Variants in INPP5B observed in about 807,000 individuals in gnomAD.
INPP5B encodes type II inositol 1,4,5-trisphosphate 5-phosphatase.
INPP5B carries 90 observed loss-of-function variants against 118.5 expected under a neutral mutation model. The observed-to-expected ratio is 0.76, with a 90% CI of 0.64 to 0.90. The LOEUF (loss-of-function observed/expected upper bound fraction) is 0.90, where lower values mean the gene tolerates loss of function less well. Ranked by LOEUF, INPP5B falls within the 40% of genes least tolerant of loss-of-function variation. The pLI is 0.00. For missense variants in INPP5B, 984 were observed against 1,125.6 expected (o/e 0.87, Z 1.80); for synonymous variants, 385 against 418.9 (o/e 0.92, Z 0.99).
At chr1:37,923,952 A>G (rs1369753617) in intron 7 of INPP5B, among the ~76,000 whole-genome samples, 1 of 151,686 alleles carries the variant, frequency 6.6e-6, no homozygotes, top group East Asian at 1.9e-4. Context: ...TAATTTTTGT[A>G]TTTTTAGTAA....
chr1:37,945,670 T>C lies in INPP5B; in HGVS notation c.152+86A>G, dbSNP rs1389318659. On this transcript the variant is annotated intron_variant, in intron 3 of 23. Coordinates refer to ENST00000373024, the MANE Select transcript of INPP5B (RefSeq NM_005540.3). ...ATTCTAGGAGACTCAGACCCTGCCC[T>C]GGAGGGACAGTTGAAGTTCAGCTGG... 1.4e-5 allele frequency: 13 copies of C among 899,096 alleles called. No homozygotes were observed. The East Asian group carries it at 3.2e-4, about 22-fold the overall frequency. 55.7% of individuals were successfully genotyped at this position (899,096 alleles called of 1,614,324 possible).
At chr1:37,898,976 G>A (rs1644227723) in intron 7 of INPP5B, among the ~76,000 whole-genome samples, 1 of 151,896 alleles carries the variant, frequency 6.6e-6, no homozygotes, top group East Asian at 1.9e-4. Flanking sequence ...GAGGTCGGGA[G>A]GTCGAGACTA....
At chr1:37,892,418 T>C (rs12725716) in intron 7 of INPP5B, among the ~76,000 whole-genome samples, 3,037 of 152,252 alleles carry the variant, frequency 0.02, 39 homozygotes, top group South Asian at 0.033. Context: ...TAAACCAAGA[T>C]AAACCTGGAA....
intron 17 of INPP5B, among the ~76,000 whole-genome samples, chr1:37,875,252 G>A (rs1380960560): frequency 6.6e-6 from 1 of 151,976 alleles, no homozygotes; most frequent in Non-Finnish European, 1.5e-5. Context: ...TTAAGCTCTA[G>A]GAATAGAAGA....
intron 15 of INPP5B, among the ~76,000 whole-genome samples, chr1:37,879,652 G>A (rs1643072943): frequency 6.6e-6 from 1 of 151,976 alleles, no homozygotes; most frequent in Non-Finnish European, 1.5e-5. Context: ...TAGCTACTTG[G>A]GAGGATGAGG....
intron 3 of INPP5B, among the ~76,000 whole-genome samples, chr1:37,944,159 A>G (rs1330977591): frequency 6.6e-6 from 1 of 152,172 alleles, no homozygotes; most frequent in Non-Finnish European, 1.5e-5. Flanking sequence ...TGATCTAACC[A>G]TGGTGCATTC....
At chr1:37,902,700 G>A (rs1446150267) in intron 7 of INPP5B, among the ~76,000 whole-genome samples, 2 of 152,108 alleles carry the variant, frequency 1.3e-5, no homozygotes, top group Non-Finnish European at 2.9e-5. Flanking sequence ...TGGGATTACA[G>A]GCATGTGCCA....
chr1:37,883,463 G>C (rs1643331788), intron 13 of INPP5B: 1 of 985,306 alleles, frequency 1.0e-6, no homozygotes, highest in Admixed American at 6.1e-5. Context: ...GAGTGTAGAA[G>C]GTGTTTGATT....
chr1:37,872,141 C>A (rs1642492768), intron 19 of INPP5B, among the ~76,000 whole-genome samples: 1 of 146,828 alleles, frequency 6.8e-6, no homozygotes, highest in Non-Finnish European at 1.5e-5. Flanking sequence ...CCGAGATGGG[C>A]GGATCACCTG....
At chr1:37,945,920 C>A in intron 2 of INPP5B, 70 bp from the exon 3 acceptor site, 1 of 1,366,202 alleles carries the variant, frequency 7.3e-7, no homozygotes, top group Non-Finnish European at 1.0e-6. Context: ...TCCCACCTTC[C>A]CTCTGTTCCC....
At chr1:37,923,733 T>C (rs1645131224) in intron 7 of INPP5B, among the ~76,000 whole-genome samples, 1 of 150,908 alleles carries the variant, frequency 6.6e-6, no homozygotes, top group South Asian at 2.1e-4. Flanking sequence ...TGTTAGTGAC[T>C]GCATTCAGAA....
chr1:37,873,130 T>G lies in INPP5B; in HGVS notation c.1987A>C (p.Asn663His), dbSNP rs1378622917. 6.2e-7 allele frequency: 1 copy of G among 1,613,898 alleles called. No individual in the cohort carries two copies. The highest frequency in any genetic ancestry group is 8.5e-7 in the Non-Finnish European group (1 of 1,179,894). Reference sequence around the variant, plus strand: ...TTGAGCTTTGTAGCTGTCATCTTATTTACGAAGAGCTCCAAGTCAATCTCA... The same window carrying G: ...TTGAGCTTTGTAGCTGTCATCTTATGTACGAAGAGCTCCAAGTCAATCTCA... ...DVEIDLELFV[N>H]KMTATKLNSG... is the part of the protein sequence containing the mutation. The change falls in exon 19 of 24, where the codon AAT (asparagine) becomes CAT (histidine). Residue 663 changes from asparagine to histidine, a missense_variant. Physicochemically the swap from Asn to His is moderately conservative, Grantham distance 68. Coordinates refer to ENST00000373024, the MANE Select transcript of INPP5B (RefSeq NM_005540.3).
intron 8 of INPP5B, among the ~76,000 whole-genome samples, chr1:37,890,724 T>A (rs1182207080): frequency 6.6e-6 from 1 of 152,142 alleles, no homozygotes; most frequent in Non-Finnish European, 1.5e-5. Flanking sequence ...CTAATCTACA[T>A]TTTCAAGGGA....
At chr1:37,921,587 C>T (rs1374822662) in intron 7 of INPP5B, among the ~76,000 whole-genome samples, 1 of 152,216 alleles carries the variant, frequency 6.6e-6, no homozygotes, top group Non-Finnish European at 1.5e-5. Flanking sequence ...TGCCTCACGC[C>T]TATTATCTCC....
chr1:37,896,890 A>G (rs61776675), intron 7 of INPP5B, among the ~76,000 whole-genome samples: 100,445 of 105,186 alleles, frequency 0.95, 48,221 homozygotes, highest in Non-Finnish European at 1. Flanking sequence ...CAGCCGCCCC[A>G]TCCGGGAAGT....
chr1:37,899,904 C>T (rs757538039), intron 7 of INPP5B, among the ~76,000 whole-genome samples: 13 of 149,472 alleles, frequency 8.7e-5, no homozygotes, highest in Non-Finnish European at 1.6e-4. Context: ...TTAGTAGAGA[C>T]GGGGTTTCAC....
At chr1:37,872,439 C>T (rs1642518189) in intron 19 of INPP5B, among the ~76,000 whole-genome samples, 1 of 150,598 alleles carries the variant, frequency 6.6e-6, no homozygotes, top group Admixed American at 6.6e-5. Flanking sequence ...TCACAACTTG[C>T]TCTACCAATA....
intron 6 of INPP5B, among the ~76,000 whole-genome samples, chr1:37,935,401 T>C (rs1200777287): frequency 6.0e-5 from 9 of 150,748 alleles, no homozygotes; most frequent in Non-Finnish European, 1.2e-4. Flanking sequence ...ACCATATTGG[T>C]CAGGCTGGTC....
intron 8 of INPP5B, among the ~76,000 whole-genome samples, chr1:37,889,954 A>G (rs1027843260): frequency 2.6e-5 from 4 of 152,228 alleles, no homozygotes; most frequent in African/African-American, 9.6e-5. Flanking sequence ...TAATAGAGTC[A>G]CAGAATCTCA....
Sources: gnomAD v4.1 joint callset for allele counts (sites outside exome capture counted in the v4.1 genomes callset) on GRCh38, gnomAD v4.1.1 for gene constraint, MANE v1.5 for transcripts, NCBI Gene and HGNC (gene_info 2026-07-23, HGNC 2026-07-21) for gene names.